NOD2: variants seen among roughly 807,000 people sequenced by gnomAD.
NOD2 encodes nucleotide binding oligomerization domain containing 2.
In NOD2, 86 loss-of-function variants were observed where a neutral mutation model predicts 90.9. The observed-to-expected ratio is 0.95, with a 90% CI of 0.79 to 1.13. The LOEUF (loss-of-function observed/expected upper bound fraction) is 1.13, where lower values mean the gene tolerates loss of function less well. Among genes scored for constraint, NOD2 ranks in the 50% most tolerant of loss-of-function variants. NOD2 has a pLI of 0.00. For missense variants in NOD2, 1,238 were observed against 1,283.8 expected (o/e 0.96, Z 0.55); for synonymous variants, 581 against 554.6 (o/e 1.05, Z -0.67).
At chr16:50,731,599 C>T (rs112499122) in intron 11 of NOD2, 148 bp from the exon 12 acceptor site, 36 of 685,970 alleles carry the variant, frequency 5.2e-5, no homozygotes, top group East Asian at 3.4e-4. Flanking sequence ...AGGGTAAAAA[C>T]AGCCCTGACT....
chr16:50,709,225 C>A (rs1964347127), intron 3 of NOD2, among the ~76,000 whole-genome samples: 1 of 152,144 alleles, frequency 6.6e-6, no homozygotes, highest in East Asian at 1.9e-4. Flanking sequence ...CAGCAATAAT[C>A]ATCAACTCTG....
chr16:50,700,128 CTCTT>C (rs1301392245), intron 2 of NOD2, among the ~76,000 whole-genome samples, 174 bp downstream of exon 2: 3 of 152,102 alleles, frequency 2.0e-5, no homozygotes, highest in Non-Finnish European at 2.9e-5. Flanking sequence ...AAACGTACAA[CTCTT>C]TCTTTCTTCT....
chr16:50,717,819 G>A (rs1207305451), intron 6 of NOD2, among the ~76,000 whole-genome samples: 1 of 152,222 alleles, frequency 6.6e-6, no homozygotes, highest in African/African-American at 2.4e-5. Context: ...CCATCCCTGA[G>A]AAGGGTGCTA....
chr16:50,730,797 A>G (rs1965427521), intron 11 of NOD2, among the ~76,000 whole-genome samples: 2 of 152,278 alleles, frequency 1.3e-5, no homozygotes, highest in Non-Finnish European at 2.9e-5. Context: ...CCCTTTGGCA[A>G]CTCATTCCCA....
Position 50,716,587 on chromosome 16 carries a change from T to C in NOD2, c.2382T>C (p.Tyr794=), listed in dbSNP as rs1366722467. 2 of 1,613,862 alleles carry C rather than the reference T, an allele frequency of 1.2e-6. No individual in the cohort carries two copies. Among genetic ancestry groups the C allele is most frequent in the Admixed American group, 3.3e-5 (2 of 60,024 alleles). Residue 794 remains tyrosine (Y), a splice_region_variant and synonymous_variant, in exon 5 of 12, where the codon TAT becomes TAC. Coordinates refer to ENST00000647318, the MANE Select transcript of NOD2 (RefSeq NM_001370466.1). The part of the protein sequence containing the change: ...LPCLGVCKAL[Y]LRDNNISDRG... ...AAATGTATTTATTTTGTCTCTTTAG[T>C]TTGCGCGATAACAATATCTCAGACC...
At chr16:50,699,356 G>A in intron 1 of NOD2, 132 bp from the exon 2 acceptor site, 1 of 732,688 alleles carries the variant, frequency 1.4e-6, no homozygotes, top group Non-Finnish European at 2.4e-6. Flanking sequence ...GGGGAGCTTG[G>A]ATTGGGTAAT....
At chr16:50,727,755 C>T (rs72796365) in intron 10 of NOD2, 5,821 of 341,096 alleles carry the variant, frequency 0.017, 79 homozygotes, top group Non-Finnish European at 0.024. Context: ...TTTCTGTTGA[C>T]GAATGCCGGC....
In NOD2 at chr16:50,716,828, G is replaced by A; in HGVS notation, c.2466-63G>A. On this transcript the variant is annotated intron_variant, in intron 5 of 11. Transcript: ENST00000647318. ...GCCCAGAGGGGAAGGGCAACCCTGG[G>A]ATTTGGTGCTCACTGTCCAATGTGC... The A allele has an allele frequency of 7.7e-6, 12 of 1,554,478 alleles. No individual in the cohort carries two copies. The South Asian group carries it at 1.2e-4, about 16-fold the overall frequency.
intron 2 of NOD2, among the ~76,000 whole-genome samples, chr16:50,702,183 C>T (rs948721173): frequency 6.6e-6 from 1 of 152,174 alleles, no homozygotes; most frequent in African/African-American, 2.4e-5. Context: ...ATCCTCCTCC[C>T]TCGGCTTCCC....
intron 6 of NOD2, among the ~76,000 whole-genome samples, chr16:50,717,528 C>G (rs1304677180): frequency 6.6e-6 from 1 of 152,234 alleles, no homozygotes; most frequent in Non-Finnish European, 1.5e-5. Flanking sequence ...TGGCTTCTCT[C>G]TCCTTCTCTC....
chr16:50,699,995 G>C, intron 2 of NOD2, 41 bp downstream of exon 2: 1 of 1,560,084 alleles, frequency 6.4e-7, no homozygotes, highest in Non-Finnish European at 8.7e-7. Flanking sequence ...TCTCAGGAAA[G>C]GGGTGCTTAG....
intron 10 of NOD2, 130 bp downstream of exon 10, chr16:50,725,702 G>T: frequency 6.7e-6 from 5 of 741,540 alleles, no homozygotes; most frequent in South Asian, 4.3e-5. Flanking sequence ...AGCTTGCCTT[G>T]GTCTAGGTGG....
At chr16:50,727,457 A>C in intron 10 of NOD2, 1 of 198,950 alleles carries the variant, frequency 5.0e-6, no homozygotes, top group South Asian at 8.9e-5. Flanking sequence ...GGAACCATTA[A>C]AATCAACACA....
chr16:50,711,481 C>T lies in NOD2; in HGVS notation c.1489C>T (p.His497Tyr). The stretch of plus-strand genomic sequence containing the variant: ...GCTGATTCTGCAGCATTTTCTGCTG[C>T]ATGCCACCCCCCCAGACTCAGCTTC... ...YLLILQHFLL[H>Y]ATPPDSASQG... Residue 497 changes from histidine to tyrosine, a missense_variant, in exon 4 of 12, where the codon CAT (histidine) becomes TAT (tyrosine). By Grantham distance (83) the His-to-Tyr change is moderately conservative. This residue lies in a region of NOD2 where 667 missense variants were observed against 688.7 expected (regional missense o/e 0.97). Transcript: ENST00000647318. The T allele has an allele frequency of 6.2e-7, 1 of 1,613,388 alleles. No individual in the cohort carries two copies. Among genetic ancestry groups the T allele is most frequent in the Non-Finnish European group, 8.5e-7 (1 of 1,179,974 alleles).
chr16:50,707,889 C>T lies in NOD2; in HGVS notation c.494C>T (p.Ala165Val), dbSNP rs149071116. 53 of 1,613,938 alleles carry T rather than the reference C, an allele frequency of 3.3e-5. No homozygotes were observed. The highest frequency in any genetic ancestry group is 2.0e-4 in the East Asian group (9 of 44,892). Reference sequence around the variant, plus strand: ...CTGCTTGATCTTGCCACGGTGAAAGCGAATGGATTGGCTGCCTTCCTTCTA... The same window carrying T: ...CTGCTTGATCTTGCCACGGTGAAAGTGAATGGATTGGCTGCCTTCCTTCTA... ...RRLLDLATVK[A>V]NGLAAFLLQH... Residue 165 changes from alanine (A) to valine (V), a missense_variant, in exon 3 of 12, where the codon GCG (alanine) becomes GTG (valine). This residue lies in a region of NOD2 where 567 missense variants were observed against 577.3 expected (regional missense o/e 0.98). Coordinates refer to ENST00000647318, the MANE Select transcript of NOD2 (RefSeq NM_001370466.1).
chr16:50,723,350 A>G lies in NOD2; in HGVS notation c.2767A>G (p.Met923Val), dbSNP rs527892258. The G allele has an allele frequency of 2.3e-5, 37 of 1,613,958 alleles. 1 individual carries two copies. In the South Asian group the frequency reaches 3.7e-4, roughly 16 times the overall value. Reference sequence around the variant, plus strand: ...TGTGGGTGCCCAAGCCTTGGCACTGATGCTGGCAAAGAACGTCATGCTAGA... The same window carrying G: ...TGTGGGTGCCCAAGCCTTGGCACTGGTGCTGGCAAAGAACGTCATGCTAGA... Reference protein sequence around the residue: ...GSVGAQALALMLAKNVMLEEL... With the variant: ...GSVGAQALALVLAKNVMLEEL... The change falls in exon 9 of 12, where the codon ATG becomes GTG. Residue 923 changes from methionine (M) to valine (V), a missense_variant. Coordinates refer to ENST00000647318, the MANE Select transcript of NOD2 (RefSeq NM_001370466.1).
At chr16:50,704,213 T>A (rs1048756137) in intron 2 of NOD2, among the ~76,000 whole-genome samples, 1 of 152,222 alleles carries the variant, frequency 6.6e-6, no homozygotes, top group African/African-American at 2.4e-5. Flanking sequence ...CTGGTGGCCA[T>A]CTACTTATAG....
chr16:50,731,883 G>T lies in NOD2; in HGVS notation c.*64G>T. On this transcript the variant is annotated 3_prime_UTR_variant, in exon 12 of 12. Coordinates refer to ENST00000647318, the MANE Select transcript of NOD2 (RefSeq NM_001370466.1). ...CAGGCTGTGAGTTTGGGCCCCAGAG[G>T]CTGGGTGACATGTGTTGGCAGCCTC... 7.9e-7 allele frequency: 1 copy of T among 1,264,866 alleles called. No homozygotes were observed. The highest frequency in any genetic ancestry group is 1.2e-6 in the Non-Finnish European group (1 of 864,764). The allele number at this position is 1,264,866 out of a possible 1,614,324, so 78.4% of individuals were successfully genotyped here. A position where few individuals can be genotyped will look rare whatever the true frequency, so the allele number is the denominator to read the frequency against.
At chr16:50,697,706 A>C (rs1963722564) in intron 1 of NOD2, 1 of 346,538 alleles carries the variant, frequency 2.9e-6, no homozygotes, top group Non-Finnish European at 5.6e-6. Context: ...TGGCCTCTGC[A>C]GGGGGGTACA....
Sources: gnomAD v4.1 joint callset for allele counts (sites outside exome capture counted in the v4.1 genomes callset) on GRCh38, gnomAD v4.1.1 for gene constraint, gnomAD v4.1.1 regional missense constraint, MANE v1.5 for transcripts, NCBI Gene and HGNC (gene_info 2026-07-23, HGNC 2026-07-21) for gene names.